The following ELOVL2 variants were observed in gnomAD, a reference collection of about 807,000 sequenced individuals.
ELOVL2 encodes very long chain fatty acid elongase 2.
Under a neutral mutation model 37.7 loss-of-function variants are expected in ELOVL2, and 38 were observed. The observed-to-expected ratio is 1.01, with a 90% CI of 0.78 to 1.32. The LOEUF is 1.32. ELOVL2 is among the 40% of genes most tolerant of loss of function. ELOVL2 has a pLI of 0.00. For synonymous variants in ELOVL2, 115 were observed against 122.3 expected (o/e 0.94, Z 0.40); for missense variants, 352 against 363.6 (o/e 0.97, Z 0.26).
chr6:11,022,555 G>A (rs1439721941), intron 1 of ELOVL2, among the ~76,000 whole-genome samples: 1 of 152,200 alleles, frequency 6.6e-6, no homozygotes, highest in Non-Finnish European at 1.5e-5. Context: ...GAATTTGTGA[G>A]GAGCTGGGGA....
intron 5 of ELOVL2, among the ~76,000 whole-genome samples, chr6:10,993,857 A>ATTTTT (rs530539525): frequency 2.5e-5 from 2 of 79,040 alleles, no homozygotes; most frequent in Non-Finnish European, 5.0e-5. Context: ...CGCCCAGCTA[A>ATTTTT]TTTTTTTTTT....
chr6:11,030,819 T>A (rs572106998), intron 1 of ELOVL2, among the ~76,000 whole-genome samples: 17 of 152,238 alleles, frequency 1.1e-4, no homozygotes, highest in African/African-American at 4.1e-4. Flanking sequence ...CTAATTTAAA[T>A]AAACACGTAC....
At chr6:10,989,601 T>A (rs1354665398) in intron 7 of ELOVL2, 102 bp downstream of exon 7, 1 of 1,175,892 alleles carries the variant, frequency 8.5e-7, no homozygotes, top group African/African-American at 1.5e-5. Flanking sequence ...ATCATGCCAC[T>A]GCACTCCAGC....
chr6:11,043,950 C>G (rs1052357716), intron 1 of ELOVL2: 13 of 299,556 alleles, frequency 4.3e-5, no homozygotes, highest in Non-Finnish European at 7.3e-5. Flanking sequence ...TGGGCGCGAG[C>G]GGGCGCCTCG....
chr6:11,003,407 T>C (rs1782424860), intron 3 of ELOVL2, among the ~76,000 whole-genome samples: 3 of 152,202 alleles, frequency 2.0e-5, no homozygotes, highest in Admixed American at 6.5e-5. Flanking sequence ...ATGTGGTGTT[T>C]GGTTTTCTGT....
intron 4 of ELOVL2, among the ~76,000 whole-genome samples, chr6:10,999,737 A>G (rs939754813): frequency 4.6e-5 from 7 of 152,314 alleles, no homozygotes; most frequent in Middle Eastern, 3.4e-3. Flanking sequence ...AAGCAAATAC[A>G]CATACACATT....
At chr6:10,984,111 G>T (rs1212019145) in intron 7 of ELOVL2, among the ~76,000 whole-genome samples, 1 of 152,068 alleles carries the variant, frequency 6.6e-6, no homozygotes, top group South Asian at 2.1e-4. Flanking sequence ...TCCGCCTCCC[G>T]GGTTCAAGTG....
chr6:11,024,749 T>G (rs577844925), intron 1 of ELOVL2, among the ~76,000 whole-genome samples: 2 of 152,306 alleles, frequency 1.3e-5, no homozygotes, highest in South Asian at 4.1e-4. Flanking sequence ...AACATGAAAT[T>G]ATTACAGATT....
intron 1 of ELOVL2, among the ~76,000 whole-genome samples, chr6:11,028,283 A>C (rs1224033876): frequency 6.6e-6 from 1 of 152,244 alleles, no homozygotes; most frequent in Non-Finnish European, 1.5e-5. Flanking sequence ...ATCCTAGAAC[A>C]CTGTTTCCCT....
chr6:11,000,302 C>A, intron 3 of ELOVL2, 138 bp from the exon 4 acceptor site: 1 of 761,408 alleles, frequency 1.3e-6, no homozygotes. Flanking sequence ...TGTCTCAATC[C>A]TATCCTCAAA....
Position 11,044,149 on chromosome 6 carries a change from G to T in ELOVL2, c.3+79C>A. 7.1e-7 allele frequency: 1 copy of T among 1,402,120 alleles called. No homozygotes were observed. Among genetic ancestry groups the T allele is most frequent in the Non-Finnish European group, 9.3e-7 (1 of 1,070,746 alleles). The allele number at this position is 1,402,120 out of a possible 1,614,324, so 86.9% of individuals were successfully genotyped here. On this transcript the variant is annotated intron_variant, in intron 1 of 7. Transcript: ENST00000354666. The surrounding 1 kb of genome is among the most constrained non-coding windows in gnomAD (Gnocchi z 5.6). ...CAGCGCCCGCGCCGGCGCCCGCTCG[G>T]CCCTTTCCCGCCCGGTGCGTGGGTC... is the stretch of plus-strand genomic sequence containing the variant.
intron 1 of ELOVL2, among the ~76,000 whole-genome samples, chr6:11,038,984 G>T (rs549126745): frequency 5.9e-4 from 90 of 152,348 alleles, no homozygotes; most frequent in African/African-American, 1.9e-3. Context: ...AACTGTGTGT[G>T]TGAATATGGT....
chr6:11,019,471 C>A (rs757278166), intron 1 of ELOVL2, among the ~76,000 whole-genome samples: 3 of 152,182 alleles, frequency 2.0e-5, no homozygotes, highest in Non-Finnish European at 4.4e-5. Context: ...AATCAGAGTG[C>A]AATCAGATAA....
At chr6:11,038,570 T>G (rs1013289858) in intron 1 of ELOVL2, among the ~76,000 whole-genome samples, 2 of 152,182 alleles carry the variant, frequency 1.3e-5, no homozygotes, top group Admixed American at 1.3e-4. Context: ...AGATAATCAT[T>G]TTTAATTTCA....
chr6:10,986,286 A>G, intron 7 of ELOVL2, among the ~76,000 whole-genome samples: 1 of 152,188 alleles, frequency 6.6e-6, no homozygotes, highest in Non-Finnish European at 1.5e-5. Flanking sequence ...CAATCATGTC[A>G]CCTGCAAACA....
rs535759733 is a variant in ELOVL2 at position 11,033,168 on chromosome 6, GTC to G, written c.3+11058_3+11059del. ...ATTCTCCCCTCCTAGATGACACAAA[GTC>G]TATTCTCCACTTATTTAGTTTTTTA... On this transcript the variant is annotated intron_variant, in intron 1 of 7. Transcript: ENST00000354666. Among the ~76,000 whole-genome samples the G allele has an allele frequency of 8.5e-5, 13 of 152,086 alleles. 1 individual carries two copies. In the South Asian group the frequency reaches 2.7e-3, roughly 32 times the overall value.
chr6:11,003,010 A>C (rs567982853), intron 3 of ELOVL2, among the ~76,000 whole-genome samples: 1 of 152,370 alleles, frequency 6.6e-6, no homozygotes, highest in African/African-American at 2.4e-5. Context: ...CTGTAAAATT[A>C]CACAGAAAGT....
intron 1 of ELOVL2, among the ~76,000 whole-genome samples, chr6:11,042,284 G>A (rs1339696485): frequency 6.6e-6 from 1 of 152,058 alleles, no homozygotes; most frequent in South Asian, 2.1e-4. Context: ...CTGCATGCCA[G>A]CCTGGGTGAC....
chr6:11,000,257 C>T (rs533140854), intron 3 of ELOVL2, 93 bp from the exon 4 acceptor site: 25 of 1,212,494 alleles, frequency 2.1e-5, no homozygotes, highest in Non-Finnish European at 1.7e-5. Flanking sequence ...GGCATCTGTT[C>T]AAGGTTTGAG....
Sources: allele counts gnomAD v4.1 joint callset (sites outside exome capture counted in the v4.1 genomes callset), GRCh38; gene constraint gnomAD v4.1.1; non-coding constraint Gnocchi (gnomAD v3.1); transcripts MANE v1.5; gene names NCBI Gene and HGNC (gene_info 2026-07-23, HGNC 2026-07-21).